Variants in MBTD1 observed in about 807,000 individuals in gnomAD.
MBTD1 encodes the protein MBT domain-containing protein 1.
MBTD1 carries 24 observed loss-of-function variants against 87.8 expected under a neutral mutation model. The observed-to-expected ratio is 0.27, with a 90% CI of 0.20 to 0.38. MBTD1 has a LOEUF of 0.38. Among genes scored for constraint, MBTD1 ranks in the 10% least tolerant of loss-of-function variants. The pLI is 1.00. For synonymous variants in MBTD1, 237 were observed against 248.6 expected, an observed-to-expected ratio of 0.95 and a Z score of 0.44; for missense variants, 436 against 760.2, an observed-to-expected ratio of 0.57 and a Z score of 5.02.
At chr17:51,200,060 C>T (rs374547006) in intron 12 of MBTD1, among the ~76,000 whole-genome samples, 1 of 152,120 alleles carries the variant, frequency 6.6e-6, no homozygotes, top group East Asian at 1.9e-4. Context: ...ATCCTGACCT[C>T]GTGATCCGCT....
intron 16 of MBTD1, chr17:51,185,870 A>G (rs980946594): frequency 2.0e-5 from 3 of 152,518 alleles, no homozygotes; most frequent in Admixed American, 6.5e-5. Context: ...TGAAGTGACT[A>G]CTAAGCACTA....
chr17:51,183,155 TAA>T (rs1397084840), intron 16 of MBTD1: 1 of 147,374 alleles, frequency 6.8e-6, no homozygotes, highest in Non-Finnish European at 1.5e-5. Context: ...CTTGCTAATT[TAA>T]AGAATAATCT....
intron 6 of MBTD1, among the ~76,000 whole-genome samples, chr17:51,210,573 T>G: frequency 6.6e-6 from 1 of 151,344 alleles, no homozygotes; most frequent in Non-Finnish European, 1.5e-5. Flanking sequence ...CTGGCCAATA[T>G]GGAGAAATCC....
chr17:51,206,448 A>C (rs1311117775), intron 7 of MBTD1, among the ~76,000 whole-genome samples: 1 of 152,096 alleles, frequency 6.6e-6, no homozygotes, highest in African/African-American at 2.4e-5. Context: ...GTTACTTTTC[A>C]AAGTAACATA....
intron 2 of MBTD1, among the ~76,000 whole-genome samples, chr17:51,245,594 G>T (rs146366046): frequency 7.6e-4 from 115 of 151,836 alleles, no homozygotes; most frequent in Non-Finnish European, 1.2e-3. Flanking sequence ...TGGCTATCTA[G>T]TTGCGCCAAC....
At chr17:51,239,666 G>A (rs1428302235) in intron 2 of MBTD1, among the ~76,000 whole-genome samples, 1 of 151,904 alleles carries the variant, frequency 6.6e-6, no homozygotes, top group Non-Finnish European at 1.5e-5. Context: ...AAGATGTCTA[G>A]CATCATTTGT....
At chr17:51,253,633 A>C (rs1252386958) in intron 2 of MBTD1, among the ~76,000 whole-genome samples, 1 of 152,180 alleles carries the variant, frequency 6.6e-6, no homozygotes, top group African/African-American at 2.4e-5. Context: ...GCAGGGTAGA[A>C]GTGGCATGGG....
Position 51,259,902 on chromosome 17 carries a change from GC to G in MBTD1, c.-181del. On this transcript the variant is annotated 5_prime_UTR_variant, in exon 1 of 17. Transcript: ENST00000586178. Reference sequence around the variant, plus strand: ...TGTCCGTGCTCCCCGAGCCCGCGGCGCCCCCTCCCCGGGCTGGGGGCAGGTG... The same window carrying G: ...TGTCCGTGCTCCCCGAGCCCGCGGCGCCCCTCCCCGGGCTGGGGGCAGGTG... The G allele has an allele frequency of 8.1e-7, 1 of 1,231,196 alleles. No individual in the cohort carries two copies. Among genetic ancestry groups the G allele is most frequent in the Non-Finnish European group, 1.0e-6 (1 of 987,394 alleles). 76.3% of individuals were successfully genotyped at this position (1,231,196 alleles called of 1,614,324 possible).
chr17:51,243,656 C>T (rs931964990), intron 2 of MBTD1, among the ~76,000 whole-genome samples: 8 of 151,974 alleles, frequency 5.3e-5, no homozygotes, highest in African/African-American at 1.7e-4. Context: ...ATTAAAAAGT[C>T]GTATCTATCT....
intron 2 of MBTD1, among the ~76,000 whole-genome samples, chr17:51,246,133 T>C (rs1246853738): frequency 6.6e-6 from 1 of 152,226 alleles, no homozygotes; most frequent in Non-Finnish European, 1.5e-5. Flanking sequence ...ACCAGAAACA[T>C]TTCAGATTTT....
At chr17:51,252,552 A>C (rs1273569137) in intron 2 of MBTD1, among the ~76,000 whole-genome samples, 1 of 152,022 alleles carries the variant, frequency 6.6e-6, no homozygotes, top group Non-Finnish European at 1.5e-5. Context: ...CCTGGCCAAT[A>C]TGGTAAAACC....
At chr17:51,252,388 AAT>A (rs1385902834) in intron 2 of MBTD1, among the ~76,000 whole-genome samples, 1 of 152,244 alleles carries the variant, frequency 6.6e-6, no homozygotes, top group East Asian at 1.9e-4. Context: ...GCATCAAATA[AAT>A]ATGTTTCAGG....
intron 2 of MBTD1, among the ~76,000 whole-genome samples, chr17:51,232,476 T>C (rs1433642531): frequency 6.6e-6 from 1 of 152,022 alleles, no homozygotes; most frequent in African/African-American, 2.4e-5. Flanking sequence ...AGTTGTTTAA[T>C]AAGAAAAATA....
rs1165454433 is a variant in MBTD1, at chr17:51,253,571, A to G, written c.-49+5572T>C. 2.6e-5 allele frequency among the ~76,000 whole-genome samples: 4 copies of G among 152,316 alleles called. No individual in the cohort carries two copies. In the East Asian group the frequency reaches 7.7e-4, roughly 29 times the overall value. On this transcript the variant is annotated intron_variant, in intron 2 of 16. Coordinates refer to ENST00000586178, the MANE Select transcript of MBTD1 (RefSeq NM_017643.3). The stretch of plus-strand genomic sequence containing the variant: ...GGCATATACACAGATCAATATATGT[A>G]TGTTTGTTTTTATGTGCACTAAGAA...
chr17:51,183,743 T>C (rs1197867335), intron 16 of MBTD1: 1 of 152,204 alleles, frequency 6.6e-6, no homozygotes, highest in Non-Finnish European at 1.5e-5. Flanking sequence ...ACAGTTATCC[T>C]TCAAATCTAG....
At chr17:51,233,060 CAAAAAAAAAAAA>C (rs11457634) in intron 2 of MBTD1, among the ~76,000 whole-genome samples, 1 of 40,494 alleles carries the variant, frequency 2.5e-5, no homozygotes, top group Non-Finnish European at 4.1e-5. Context: ...CTTCCCTCAC[CAAAAAAAAAAAA>C]AAAAAAAAAA....
chr17:51,255,430 A>G (rs1469897041), intron 2 of MBTD1, among the ~76,000 whole-genome samples: 1 of 152,252 alleles, frequency 6.6e-6, no homozygotes, highest in Non-Finnish European at 1.5e-5. Context: ...CTCAGAAGAT[A>G]TAAAATCACT....
At chr17:51,252,911 T>A (rs190799466) in intron 2 of MBTD1, among the ~76,000 whole-genome samples, 169 of 151,936 alleles carry the variant, frequency 1.1e-3, no homozygotes, top group African/African-American at 3.9e-3. Context: ...ATTCATATAC[T>A]AAATAAATAA....
chr17:51,225,831 T>G (rs1598381210), intron 2 of MBTD1, among the ~76,000 whole-genome samples: 1 of 151,180 alleles, frequency 6.6e-6, no homozygotes, highest in Non-Finnish European at 1.5e-5. Context: ...CAGGCTGGAG[T>G]GCAGTGGCAC....
Sources: gnomAD v4.1 joint callset for allele counts (sites outside exome capture counted in the v4.1 genomes callset) on GRCh38, gnomAD v4.1.1 for gene constraint, MANE v1.5 for transcripts, NCBI Gene and HGNC (gene_info 2026-07-23, HGNC 2026-07-21) for gene names.